The following SEMA4C variants were observed in gnomAD, a reference collection of about 807,000 sequenced individuals.
SEMA4C encodes semaphorin 4C, also known as semaphorin-4C.
In SEMA4C, 19 loss-of-function variants were observed where a neutral mutation model predicts 89.0. The ratio of observed to expected loss-of-function variants is 0.21; its 90% CI spans 0.15 to 0.31. SEMA4C has a LOEUF of 0.31. Among genes scored for constraint, SEMA4C ranks in the 10% least tolerant of loss-of-function variants. The pLI is 1.00. For synonymous variants in SEMA4C, 428 were observed against 472.7 expected (o/e 0.91, Z 1.23); for missense variants, 811 against 1,107.0 (o/e 0.73, Z 3.79).
intron 2 of SEMA4C, among the ~76,000 whole-genome samples, chr2:96,867,460 G>C (rs1020689327): frequency 6.6e-6 from 1 of 152,198 alleles, no homozygotes; most frequent in Non-Finnish European, 1.5e-5. Context: ...AGGGGAGAGA[G>C]CCTCCAGTTT....
rs1200015870 is a variant in SEMA4C at position 96,861,151 on chromosome 2, C to T, written c.1977G>A (p.Leu659=). ...CCAGCCACACCAGCCCCAGGTTTTCCAGGGGGGCCCGGGCCTCCAAGGTCA... is the reference window on the plus strand; with the variant it reads ...CCAGCCACACCAGCCCCAGGTTTTCTAGGGGGGCCCGGGCCTCCAAGGTCA... The part of the protein sequence containing the change: ...PSVTLEARAP[L]ENLGLVWLAV... The change falls in exon 15 of 15, where the codon CTG becomes CTA. Residue 659 remains leucine (L), a synonymous_variant. Coordinates refer to ENST00000305476, the MANE Select transcript of SEMA4C (RefSeq NM_017789.5). The surrounding 1 kb of genome is among the most constrained non-coding windows in gnomAD (Gnocchi z 7.8). The T allele has an allele frequency of 1.2e-6, 2 of 1,611,014 alleles. No homozygotes were observed. The highest frequency in any genetic ancestry group is 2.7e-5 in the African/African-American group (2 of 74,912).
At position 96,863,723 on chromosome 2, in the gene SEMA4C, C is replaced by G; in HGVS notation, c.1402G>C (p.Asp468His). The G allele has an allele frequency of 6.2e-7, 1 of 1,614,058 alleles. No homozygotes were observed. Among genetic ancestry groups the G allele is most frequent in the Non-Finnish European group, 8.5e-7 (1 of 1,180,040 alleles). ...ACCAGGCTTCTCATGGGCTCCTGGT[C>G]AAACAGCTGCAGCTCCTCAATCAGG... ...VHLIEELQLF[D>H]QEPMRSLVLS... Residue 468 changes from aspartate (D) to histidine (H), a missense_variant, in exon 12 of 15, where the codon GAC becomes CAC. Physicochemically the swap from Asp to His is moderately conservative, Grantham distance 81. Transcript: ENST00000305476.
In SEMA4C at chr2:96,860,981, G is replaced by A; in HGVS notation, c.2147C>T (p.Thr716Ile). Reference sequence around the variant, plus strand: ...AGGACAGGGCCGGAAGGGGGGACTGGTGGGCTCCTTGGGCAGCTCCAGGGG... The same window carrying A: ...AGGACAGGGCCGGAAGGGGGGACTGATGGGCTCCTTGGGCAGCTCCAGGGG... The part of the protein sequence containing the change: ...VYPLELPKEP[T>I]SPPFRPCPEP... The change falls in exon 15 of 15, where the codon ACC becomes ATC. Residue 716 changes from threonine (T) to isoleucine (I), a missense_variant. Physicochemically the swap from Thr to Ile is moderately conservative, Grantham distance 89 (BLOSUM62 -1). This residue lies in a region of SEMA4C where 248 missense variants were observed against 269.0 expected (regional missense o/e 0.92). Transcript: ENST00000305476. The A allele has an allele frequency of 3.7e-6, 6 of 1,612,994 alleles. No homozygotes were observed. The highest frequency in any genetic ancestry group is 5.1e-6 in the Non-Finnish European group (6 of 1,180,008).
At chr2:96,868,529 T>G in intron 1 of SEMA4C, 1 of 985,870 alleles carries the variant, frequency 1.0e-6, no homozygotes, top group Non-Finnish European at 1.2e-6. Context: ...GGCAGGAGTG[T>G]GAGAAGGGCC....
chr2:96,863,852 C>G, intron 11 of SEMA4C, 58 bp from the exon 12 acceptor site: 7 of 1,601,236 alleles, frequency 4.4e-6, no homozygotes, highest in Non-Finnish European at 6.0e-6. Flanking sequence ...GGGGCAGCTC[C>G]AAATCTCCCT....
At position 96,860,461 on chromosome 2, in the gene SEMA4C, A is replaced by G. The variant is rs1277891548; in HGVS notation, c.*165T>C. 8.8e-6 allele frequency: 5 copies of G among 570,594 alleles called. No homozygotes were observed. The highest frequency in any genetic ancestry group is 1.5e-5 in the Non-Finnish European group (5 of 340,758). 35.3% of individuals were successfully genotyped at this position (570,594 alleles called of 1,614,324 possible). A position where few individuals can be genotyped will look rare whatever the true frequency, so the allele number is the denominator to read the frequency against. On this transcript the variant is annotated 3_prime_UTR_variant, in exon 15 of 15. Coordinates refer to ENST00000305476, the MANE Select transcript of SEMA4C (RefSeq NM_017789.5). ...GCCCTGGTGAGCCACACCAAGTGGC[A>G]GTGCCCGTGCTGAGCAGAGCAGGTC...
rs2080059219 is a variant in SEMA4C at position 96,865,929 on chromosome 2, T to C, written c.259A>G (p.Ile87Val). 6.2e-7 allele frequency: 1 copy of C among 1,613,828 alleles called. No individual in the cohort carries two copies. Among genetic ancestry groups the C allele is most frequent in the South Asian group, 1.1e-5 (1 of 91,048 alleles). Residue 87 changes from isoleucine to valine, a missense_variant and splice_region_variant, in exon 4 of 15, where the codon ATC becomes GTC. This residue lies in a region of SEMA4C where 119 missense variants were observed against 152.7 expected (regional missense o/e 0.78). Coordinates refer to ENST00000305476, the MANE Select transcript of SEMA4C (RefSeq NM_017789.5). ...SMEALELQGA[I>V]SWEAPVEKKT... is the part of the protein sequence containing the mutation. ...TTCTCCACGGGGGCCTCCCAGGAGA[T>C]CTGGGGAAAGGGAAGGGGATGTCAG...
intron 1 of SEMA4C, chr2:96,868,534 A>T: frequency 1.0e-6 from 1 of 985,942 alleles, no homozygotes. Context: ...GAGTGTGAGA[A>T]GGGCCGGGAG....
At chr2:96,870,541 G>A (rs1205084841), upstream of SEMA4C, 8 of 984,934 alleles carry the variant, frequency 8.1e-6, no homozygotes, top group Non-Finnish European at 8.4e-6. Context: ...GCGGACCAGA[G>A]GGGTCTGCCG....
chr2:96,863,890 C>A (rs772165373), intron 11 of SEMA4C, 36 bp downstream of exon 11: 3 of 1,597,248 alleles, frequency 1.9e-6, no homozygotes, highest in Admixed American at 1.7e-5. Context: ...TTCTGCCCAG[C>A]CTTGAGCAGC....
At position 96,860,508 on chromosome 2, in the gene SEMA4C, G is replaced by T; in HGVS notation, c.*118C>A. On this transcript the variant is annotated 3_prime_UTR_variant, in exon 15 of 15. Coordinates refer to ENST00000305476, the MANE Select transcript of SEMA4C (RefSeq NM_017789.5). ...GGTCCTCATGGCCGGGTGGGTGCTG[G>T]GCAGTATCTGTCCCAGACAGAGCAG... is the stretch of plus-strand genomic sequence containing the variant. 1.1e-6 allele frequency: 1 copy of T among 921,470 alleles called. No individual in the cohort carries two copies. Among genetic ancestry groups the T allele is most frequent in the Non-Finnish European group, 1.6e-6 (1 of 623,252 alleles). 57.1% of individuals were successfully genotyped at this position (921,470 alleles called of 1,614,324 possible). A position where few individuals can be genotyped will look rare whatever the true frequency, so the allele number is the denominator to read the frequency against.
intron 1 of SEMA4C, chr2:96,869,403 G>A: frequency 4.1e-6 from 4 of 984,644 alleles, no homozygotes; most frequent in Non-Finnish European, 4.8e-6. Flanking sequence ...TCCAGCCGGG[G>A]ACGGCGCGGC....
chr2:96,868,963 C>G (rs1256627595), intron 1 of SEMA4C: 1 of 985,378 alleles, frequency 1.0e-6, no homozygotes, highest in Non-Finnish European at 1.2e-6. Flanking sequence ...GACCTGCTCA[C>G]CCCCAAACAA....
Position 96,864,651 on chromosome 2 carries a change from C to T in SEMA4C, c.962+54G>A, listed in dbSNP as rs1445935496. 2 of 1,560,742 alleles carry T rather than the reference C, an allele frequency of 1.3e-6. No homozygotes were observed. The highest frequency in any genetic ancestry group is 1.2e-5 in the South Asian group (1 of 82,592). ...GTCCAGGCTCCCACCCATGCACCGTCCCTGACCTGAACCCCAGCTCCTCCC... is the reference window on the plus strand; with the variant it reads ...GTCCAGGCTCCCACCCATGCACCGTTCCTGACCTGAACCCCAGCTCCTCCC... On this transcript the variant is annotated intron_variant, in intron 9 of 14. Coordinates refer to ENST00000305476, the MANE Select transcript of SEMA4C (RefSeq NM_017789.5). This position sits in a 1 kb window ranked among gnomAD's most constrained non-coding sequence, Gnocchi z 6.3.
chr2:96,861,076 C>G lies in SEMA4C; in HGVS notation c.2052G>C (p.Leu684=), dbSNP rs2079931113. The change falls in exon 15 of 15, where the codon CTG becomes CTC. Residue 684 remains leucine (L), a synonymous_variant. Transcript: ENST00000305476. This position sits in a 1 kb window ranked among gnomAD's most constrained non-coding sequence, Gnocchi z 7.8. ...CTTCCCGCAGCCGCCGGCGCAATGA[C>G]AGCACCAGCAGCAGCAGCACCAGGC... ...AVCLVLLLLV[L]SLRRRLREEL... The G allele has an allele frequency of 6.2e-7, 1 of 1,612,732 alleles. No homozygotes were observed. Among genetic ancestry groups the G allele is most frequent in the Non-Finnish European group, 8.5e-7 (1 of 1,179,972 alleles).
upstream of SEMA4C, chr2:96,870,162 G>T (rs999486983): frequency 8.1e-6 from 8 of 982,874 alleles, no homozygotes; most frequent in Non-Finnish European, 9.7e-6. Context: ...GGCCGCGAAG[G>T]CTCGCTCAGG....
At chr2:96,870,218 C>T (rs990362969), upstream of SEMA4C, 26 of 985,116 alleles carry the variant, frequency 2.6e-5, no homozygotes, top group Non-Finnish European at 3.0e-5. Flanking sequence ...CCGCTCTCCG[C>T]CCGGGGGCTC....
In SEMA4C at chr2:96,865,065, T is replaced by C. The variant is rs1482023260; in HGVS notation, c.685A>G (p.Thr229Ala). Reference protein sequence around the residue: ...AYVPESVGSFTGDDDKVYFFF... With the variant: ...AYVPESVGSFAGDDDKVYFFF... ...AAGTAGACCTTGTCGTCGTCCCCCG[T>C]GAAGCTGCCCACACTCTCAGGTACA... The change falls in exon 8 of 15, where the codon ACG becomes GCG. Residue 229 changes from threonine (T) to alanine (A), a missense_variant. Physicochemically the swap from Thr to Ala is moderately conservative, Grantham distance 58. Coordinates refer to ENST00000305476, the MANE Select transcript of SEMA4C (RefSeq NM_017789.5). The C allele has an allele frequency of 6.4e-7, 1 of 1,558,752 alleles. No individual in the cohort carries two copies. The highest frequency in any genetic ancestry group is 8.7e-7 in the Non-Finnish European group (1 of 1,151,032).
In SEMA4C at chr2:96,860,717, T is replaced by C. The variant is rs760639886; in HGVS notation, c.2411A>G (p.His804Arg). Residue 804 changes from histidine to arginine, a missense_variant, in exon 15 of 15, where the codon CAC becomes CGC. Transcript: ENST00000305476. ...TTCATCCGCGAGCTCAGGCAGGGGG[T>C]GCCCGAGCCCTCCCCGGTCCTCCCC... ...LGGEDRGGLG[H>R]PLPELADELR... is the part of the protein sequence containing the mutation. 2 of 1,613,386 alleles carry C rather than the reference T, an allele frequency of 1.2e-6. No homozygotes were observed. The highest frequency in any genetic ancestry group is 1.7e-6 in the Non-Finnish European group (2 of 1,179,914).
Sources: gnomAD v4.1 joint callset for allele counts (sites outside exome capture counted in the v4.1 genomes callset) on GRCh38, gnomAD v4.1.1 for gene constraint, gnomAD v4.1.1 regional missense constraint, Gnocchi (gnomAD v3.1) non-coding constraint, MANE v1.5 for transcripts, NCBI Gene and HGNC (gene_info 2026-07-23, HGNC 2026-07-21) for gene names.